Variants in ZNF763 observed in about 807,000 individuals in gnomAD.
ZNF763 encodes the protein zinc finger protein 763.
A neutral mutation model predicts 38.0 loss-of-function variants in ZNF763; 33 were observed. The observed-to-expected ratio is 0.87, with a 90% CI of 0.66 to 1.16. The LOEUF is 1.16. Among genes scored for constraint, ZNF763 ranks in the 50% most tolerant of loss-of-function variants. The pLI is 0.00. For synonymous variants in ZNF763, 155 were observed against 160.1 expected, an observed-to-expected ratio of 0.97 and a Z score of 0.24; for missense variants, 423 against 469.1, an observed-to-expected ratio of 0.90 and a Z score of 0.91.
At chr19:11,967,861 G>T (rs913587540) in intron 1 of ZNF763, among the ~76,000 whole-genome samples, 2 of 152,210 alleles carry the variant, frequency 1.3e-5, no homozygotes, top group Non-Finnish European at 2.9e-5. Context: ...GTGCCTACGT[G>T]CATGTGGGCT....
At chr19:11,972,183 G>T (rs995092304) in intron 1 of ZNF763, among the ~76,000 whole-genome samples, 5 of 152,086 alleles carry the variant, frequency 3.3e-5, no homozygotes, top group African/African-American at 1.2e-4. Flanking sequence ...TACTCAGGAG[G>T]CTGAGGTAGA....
In ZNF763 at chr19:11,971,876, A is replaced by G. The variant is rs766243732; in HGVS notation, c.4-5162A>G. On this transcript the variant is annotated intron_variant, in intron 1 of 3. Coordinates refer to ENST00000358987, the MANE Select transcript of ZNF763 (RefSeq NM_001367172.2). ...TTCAGGAGTTTGAGACCAGCCTGAC[A>G]AACGTGGAGGTTTCCATGTCTACTA... Among the ~76,000 whole-genome samples the G allele has an allele frequency of 4.8e-4, 73 of 152,244 alleles. No homozygotes were observed. The Middle Eastern group carries it at 0.014, about 28-fold the overall frequency.
At chr19:11,965,598 G>A (rs1449115923) in intron 1 of ZNF763, among the ~76,000 whole-genome samples, 1 of 147,228 alleles carries the variant, frequency 6.8e-6, no homozygotes, top group African/African-American at 2.7e-5. Flanking sequence ...ACTTTCTCCT[G>A]TTAAAAATTA....
chr19:11,978,765 G>A lies in ZNF763; in HGVS notation c.841G>A (p.Gly281Arg), dbSNP rs753301212. The part of the protein sequence containing the change: ...FQAHKRTHTG[G>R]KPYECKQCGK... ...AGCACATAAAAGAACCCACACTGGG[G>A]GAAAGCCATATGAATGTAAACAATG... Residue 281 changes from glycine (G) to arginine (R), a missense_variant, in exon 4 of 4, where the codon GGA becomes AGA. Transcript: ENST00000358987. The A allele has an allele frequency of 6.2e-6, 10 of 1,613,928 alleles. No homozygotes were observed. The highest frequency in any genetic ancestry group is 3.3e-5 in the Admixed American group (2 of 59,994).
At chr19:11,976,288 A>T (rs903158768) in intron 1 of ZNF763, among the ~76,000 whole-genome samples, 4 of 151,630 alleles carry the variant, frequency 2.6e-5, no homozygotes, top group Non-Finnish European at 5.9e-5. Context: ...GTTCAAAGAG[A>T]CAGTAGGGAC....
chr19:11,971,411 TTAA>T (rs1261870582), intron 1 of ZNF763, among the ~76,000 whole-genome samples: 9 of 152,350 alleles, frequency 5.9e-5, no homozygotes, highest in Admixed American at 4.6e-4. Context: ...GGGTAGGTTA[TTAA>T]TGTGTGATTT....
rs1364519882 is a variant in ZNF763 at position 11,978,898 on chromosome 19, G to C, written c.974G>C (p.Arg325Thr). The change falls in exon 4 of 4, where the codon AGA becomes ACA. Residue 325 changes from arginine to threonine, a missense_variant. Coordinates refer to ENST00000358987, the MANE Select transcript of ZNF763 (RefSeq NM_001367172.2). ...SKCNKAFRSY[R>T]SYLRHKRSHT... The stretch of plus-strand genomic sequence containing the variant: ...TGTAATAAAGCATTCCGTAGTTACA[G>C]ATCCTATCTTAGACATAAAAGGAGT... 1 of 1,614,050 alleles carries C rather than the reference G, an allele frequency of 6.2e-7. No homozygotes were observed. Among genetic ancestry groups the C allele is most frequent in the African/African-American group, 1.3e-5 (1 of 74,916 alleles).
intron 1 of ZNF763, among the ~76,000 whole-genome samples, chr19:11,969,953 G>A (rs1191588210): frequency 1.3e-5 from 2 of 152,096 alleles, no homozygotes; most frequent in East Asian, 3.9e-4. Flanking sequence ...AATTGCCTGG[G>A]GCTGGCTCAA....
Position 11,979,254 on chromosome 19 carries a change from T to G in ZNF763, c.*145T>G, listed in dbSNP as rs941895023. On this transcript the variant is annotated 3_prime_UTR_variant, in exon 4 of 4. Transcript: ENST00000358987. The stretch of plus-strand genomic sequence containing the variant: ...GTTCCTTTCAGTATCATGAAAGGAC[T>G]CACACTGGAGAGAAACCCTATGAGT... 1.2e-6 allele frequency: 2 copies of G among 1,613,270 alleles called. No homozygotes were observed. Among genetic ancestry groups the G allele is most frequent in the African/African-American group, 2.7e-5 (2 of 74,742 alleles).
At chr19:11,968,941 A>T (rs1349344111) in intron 1 of ZNF763, among the ~76,000 whole-genome samples, 1 of 152,222 alleles carries the variant, frequency 6.6e-6, no homozygotes, top group Admixed American at 6.5e-5. Context: ...AACATTTTAC[A>T]AAACACTATA....
intron 3 of ZNF763, 134 bp downstream of exon 3, chr19:11,977,565 A>G (rs1376979165): frequency 1.5e-5 from 18 of 1,184,942 alleles, no homozygotes; most frequent in Admixed American, 2.5e-5. Context: ...TCAAAATCAT[A>G]TATTTACATG....
In ZNF763 at chr19:11,979,141, G is replaced by A. The variant is rs936716696; in HGVS notation, c.*32G>A. ...GATATGTGGGAAAGGCCTTTATTCT[G>A]CCAAGTCATTTCGAAGACATGAAAA... On this transcript the variant is annotated 3_prime_UTR_variant, in exon 4 of 4. Coordinates refer to ENST00000358987, the MANE Select transcript of ZNF763 (RefSeq NM_001367172.2). The A allele has an allele frequency of 3.1e-6, 5 of 1,609,986 alleles. No individual in the cohort carries two copies. In the African/African-American group the frequency reaches 6.8e-5, roughly 22 times the overall value.
intron 1 of ZNF763, among the ~76,000 whole-genome samples, chr19:11,976,139 C>T (rs574130498): frequency 1.3e-4 from 20 of 149,416 alleles, no homozygotes; most frequent in African/African-American, 5.0e-4. Flanking sequence ...AGCTATCTGC[C>T]TTCTCTAACA....
rs1973511064 is a variant in ZNF763 at position 11,977,121 on chromosome 19, C to T, written c.87C>T (p.Tyr29=). 6.2e-7 allele frequency: 1 copy of T among 1,614,024 alleles called. No homozygotes were observed. The highest frequency in any genetic ancestry group is 1.3e-5 in the African/African-American group (1 of 74,910). ...ALLDISQRKL[Y]REVMLETFRN... is the part of the protein sequence containing the mutation. ...TGGATATTTCGCAGAGGAAACTCTA[C>T]AGGGAAGTGATGCTGGAAACTTTCA... The change falls in exon 2 of 4, where the codon TAC becomes TAT. Residue 29 remains tyrosine, a synonymous_variant. Transcript: ENST00000358987.
chr19:11,965,274 G>A (rs1326607002), intron 1 of ZNF763, 63 bp downstream of exon 1: 3 of 1,609,416 alleles, frequency 1.9e-6, no homozygotes, highest in African/African-American at 1.3e-5. Flanking sequence ...GGCCGGAACC[G>A]GCTGCGGCGG....
rs552687334 is a variant in ZNF763 at position 11,966,203 on chromosome 19, T to A, written c.3+992T>A. ...GTTTTTCCAGTCAGATAATGTCTGTTTTTACATGAATGTGCGTCAGTTGCT... is the reference window on the plus strand; with the variant it reads ...GTTTTTCCAGTCAGATAATGTCTGTATTTACATGAATGTGCGTCAGTTGCT... On this transcript the variant is annotated intron_variant, in intron 1 of 3. Transcript: ENST00000358987. Among the ~76,000 whole-genome samples, 250 of 152,310 alleles carry A rather than the reference T, an allele frequency of 1.6e-3. 2 individuals carry two copies. The highest frequency in any genetic ancestry group is 5.7e-3 in the African/African-American group (235 of 41,548).
At position 11,979,502 on chromosome 19, in the gene ZNF763, T is replaced by C; in HGVS notation, c.*393T>C. 6.2e-7 allele frequency: 1 copy of C among 1,602,502 alleles called. No homozygotes were observed. Among genetic ancestry groups the C allele is most frequent in the Non-Finnish European group, 8.5e-7 (1 of 1,172,462 alleles). On this transcript the variant is annotated 3_prime_UTR_variant, in exon 4 of 4. Transcript: ENST00000358987. ...GAAAGGCTTTTATTCTCCCACGTCA[T>C]TTCAAAGACATGAAAAAACTCACAC...
At chr19:11,965,336 G>C (rs1207214552) in intron 1 of ZNF763, 125 bp downstream of exon 1, 1 of 1,359,712 alleles carries the variant, frequency 7.4e-7, no homozygotes, top group Non-Finnish European at 1.0e-6. Context: ...AGTCCTCCTG[G>C]AGCTGCTCGG....
intron 1 of ZNF763, among the ~76,000 whole-genome samples, chr19:11,969,096 G>T (rs901006861): frequency 6.6e-6 from 1 of 152,066 alleles, no homozygotes; most frequent in Non-Finnish European, 1.5e-5. Context: ...TGAATTACTT[G>T]GTTGTTTTTG....
Sources: allele counts gnomAD v4.1 joint callset (sites outside exome capture counted in the v4.1 genomes callset), GRCh38; gene constraint gnomAD v4.1.1; transcripts MANE v1.5; gene names NCBI Gene and HGNC (gene_info 2026-07-23, HGNC 2026-07-21).